Variants in ZGRF1 observed in about 807,000 individuals in gnomAD.
ZGRF1 encodes the protein 5'-3' DNA helicase ZGRF1.
ZGRF1 carries 196 observed loss-of-function variants against 203.5 expected under a neutral mutation model. That is an observed-to-expected ratio of 0.96 (90% CI 0.86 to 1.08). The LOEUF is 1.08. Among genes scored for constraint, ZGRF1 ranks in the 50% least tolerant of loss-of-function variants. The pLI, the probability that ZGRF1 is intolerant of heterozygous loss-of-function variation, is 0.00. For missense variants in ZGRF1, 2,326 were observed against 2,416.3 expected, an observed-to-expected ratio of 0.96 and a Z score of 0.78; for synonymous variants, 809 against 841.3, an observed-to-expected ratio of 0.96 and a Z score of 0.66.
At chr4:112,579,243 A>C (rs149091143) in intron 16 of ZGRF1, among the ~76,000 whole-genome samples, 1,727 of 123,380 alleles carry the variant, frequency 0.014, 417 homozygotes, top group African/African-American at 0.046. Context: ...AAAAACTCTC[A>C]ATAAGTTAGG....
At chr4:112,626,238 T>C (rs1387146234) in intron 3 of ZGRF1, among the ~76,000 whole-genome samples, 1 of 152,180 alleles carries the variant, frequency 6.6e-6, no homozygotes, top group Non-Finnish European at 1.5e-5. Context: ...TCGAAAAGTG[T>C]GTGAAGTGTG....
intron 8 of ZGRF1, among the ~76,000 whole-genome samples, chr4:112,606,786 A>G (rs938454786): frequency 6.6e-6 from 1 of 152,224 alleles, no homozygotes; most frequent in African/African-American, 2.4e-5. Context: ...AAAAATTGAA[A>G]AAGTGTAATT....
intron 12 of ZGRF1, 79 bp from the exon 13 acceptor site, chr4:112,586,662 CA>C (rs780908042): frequency 2.7e-6 from 3 of 1,103,300 alleles, no homozygotes; most frequent in African/African-American, 1.6e-5. Context: ...TTTTCATAGA[CA>C]TTTTTTAAAA....
intron 1 of ZGRF1, among the ~76,000 whole-genome samples, chr4:112,636,408 C>T (rs1236288005): frequency 1.3e-5 from 2 of 151,644 alleles, no homozygotes; most frequent in East Asian, 3.8e-4. Flanking sequence ...TTTTTTTAAA[C>T]AAGGAGTATT....
intron 16 of ZGRF1, chr4:112,565,202 T>A: frequency 3.2e-6 from 5 of 1,574,304 alleles, no homozygotes; most frequent in Non-Finnish European, 4.4e-6. Context: ...CAGCGTCTGG[T>A]GCGAGAAATT....
chr4:112,603,835 A>G, intron 9 of ZGRF1, 138 bp from the exon 10 acceptor site: 1 of 573,942 alleles, frequency 1.7e-6, no homozygotes. Flanking sequence ...ACTAATGCTG[A>G]AAACCGGGAA....
Position 112,630,695 on chromosome 4 carries a change from C to A in ZGRF1, c.102+1235G>T, listed in dbSNP as rs1312019339. 4.6e-5 allele frequency among the ~76,000 whole-genome samples: 7 copies of A among 151,936 alleles called. No individual in the cohort carries two copies. The East Asian group carries it at 1.4e-3, about 29-fold the overall frequency. On this transcript the variant is annotated intron_variant, in intron 3 of 27. Coordinates refer to ENST00000505019, the MANE Select transcript of ZGRF1 (RefSeq NM_018392.5). ...TCACCTGAGGTCAGGAGTTCAAGAC[C>A]AGCCTGAACAACATGGCGAAACCGT...
intron 8 of ZGRF1, 80 bp downstream of exon 8, chr4:112,609,299 C>G (rs570821357): frequency 1.8e-6 from 1 of 568,468 alleles, no homozygotes; most frequent in Non-Finnish European, 3.0e-6. Flanking sequence ...GTGATCCACC[C>G]GCCTCAGCCT....
rs751643867 is a variant in ZGRF1, at chr4:112,620,083, T to G, written c.270A>C (p.Ala90=). ...GIVKQNVNKE[A]PELNSRTFIS... is the part of the protein sequence containing the mutation. Reference sequence around the variant, plus strand: ...TAAATGTCCTTGAATTTAACTCTGGTGCTTCTTTATTGACATTCTGCTTAA... The same window carrying G: ...TAAATGTCCTTGAATTTAACTCTGGGGCTTCTTTATTGACATTCTGCTTAA... Residue 90 remains alanine (A), a synonymous_variant, in exon 5 of 28, where the codon GCA becomes GCC. Transcript: ENST00000505019. 20 of 1,613,334 alleles carry G rather than the reference T, an allele frequency of 1.2e-5. No individual in the cohort carries two copies. Among genetic ancestry groups the G allele is most frequent in the Non-Finnish European group, 1.7e-5 (20 of 1,179,614 alleles).
chr4:112,561,352 A>G (rs1741947968), intron 18 of ZGRF1: 4 of 212,408 alleles, frequency 1.9e-5, no homozygotes, highest in South Asian at 7.8e-5. Flanking sequence ...TAAGTGGCGG[A>G]CTGACTTTAA....
chr4:112,576,946 C>CTT (rs1745348123), intron 16 of ZGRF1, among the ~76,000 whole-genome samples: 2 of 151,756 alleles, frequency 1.3e-5, no homozygotes, highest in Non-Finnish European at 2.9e-5. Flanking sequence ...ACATACTCCT[C>CTT]AAGAACAGCA....
chr4:112,548,536 T>C (rs1739280946), intron 22 of ZGRF1, among the ~76,000 whole-genome samples, 156 bp from the exon 23 acceptor site: 1 of 152,108 alleles, frequency 6.6e-6, no homozygotes, highest in African/African-American at 2.4e-5. Context: ...CTCCAAATTT[T>C]TATTATTCCT....
At chr4:112,583,625 G>A (rs1746654512) in intron 15 of ZGRF1, among the ~76,000 whole-genome samples, 2 of 151,980 alleles carry the variant, frequency 1.3e-5, no homozygotes, top group African/African-American at 4.8e-5. Context: ...GGGCAACATA[G>A]CAAGACCCCA....
chr4:112,591,874 G>A (rs1475551328), intron 10 of ZGRF1, among the ~76,000 whole-genome samples: 4 of 152,102 alleles, frequency 2.6e-5, no homozygotes, highest in Non-Finnish European at 5.9e-5. Flanking sequence ...CTGAGGTGCT[G>A]TATATTTATT....
At chr4:112,584,290 A>G (rs1314538975) in intron 14 of ZGRF1, 116 bp from the exon 15 acceptor site, 2 of 524,482 alleles carry the variant, frequency 3.8e-6, no homozygotes, top group African/African-American at 3.9e-5. Flanking sequence ...TACTCCAGTA[A>G]ATTAGTCACT....
Position 112,581,670 on chromosome 4 carries a change from A to G in ZGRF1, c.4431T>C (p.Tyr1477=), listed in dbSNP as rs150366222. Residue 1477 remains tyrosine, a synonymous_variant, in exon 16 of 28, where the codon TAT becomes TAC. Transcript: ENST00000505019. ...ATGATCAGATCAACTTACTTTTGCT[A>G]TAAGCTGAAGATCTTTCCTTCCGAC... ...KLSRKERSSA[Y]SKNDLWVVSK... The G allele has an allele frequency of 5.5e-5, 87 of 1,578,182 alleles. No homozygotes were observed. The highest frequency in any genetic ancestry group is 5.1e-4 in the Middle Eastern group (3 of 5,912).
chr4:112,597,068 G>A (rs1211201346), intron 10 of ZGRF1, among the ~76,000 whole-genome samples: 1 of 151,870 alleles, frequency 6.6e-6, no homozygotes, highest in Non-Finnish European at 1.5e-5. Context: ...ACAAAAATTA[G>A]CCAGGTGTGG....
At chr4:112,621,653 C>CA (rs759426408) in intron 4 of ZGRF1, among the ~76,000 whole-genome samples, 12,481 of 90,536 alleles carry the variant, frequency 0.14, 650 homozygotes, top group Non-Finnish European at 0.15. Flanking sequence ...AACTCCATCT[C>CA]AAAAAAAAAA....
rs1352461434 is a variant in ZGRF1 at position 112,618,838 on chromosome 4, C to T, written c.1204G>A (p.Val402Ile). The stretch of plus-strand genomic sequence containing the variant: ...TTGAATGAAGGAATTTCTAATTTTA[C>T]TTCCTGATTCCAGGATGGATCATTA... ...GNNDPSWNQE[V>I]KLEIPSFNES... The change falls in exon 6 of 28, where the codon GTA becomes ATA. Residue 402 changes from valine to isoleucine, a missense_variant. Coordinates refer to ENST00000505019, the MANE Select transcript of ZGRF1 (RefSeq NM_018392.5). The T allele has an allele frequency of 5.6e-6, 9 of 1,613,354 alleles. No homozygotes were observed. The highest frequency in any genetic ancestry group is 7.6e-6 in the Non-Finnish European group (9 of 1,179,756).
Sources: gnomAD v4.1 joint callset for allele counts (sites outside exome capture counted in the v4.1 genomes callset) on GRCh38, gnomAD v4.1.1 for gene constraint, MANE v1.5 for transcripts, NCBI Gene and HGNC (gene_info 2026-07-23, HGNC 2026-07-21) for gene names.